The following WDPCP variants were observed in gnomAD, a reference collection of about 807,000 sequenced individuals.
WDPCP encodes the protein WD repeat containing planar cell polarity effector, also known as WD repeat-containing and planar cell polarity effector protein fritz homolog.
A neutral mutation model predicts 93.1 loss-of-function variants in WDPCP; 71 were observed. The ratio of observed to expected loss-of-function variants is 0.76; its 90% CI spans 0.63 to 0.93. WDPCP has a LOEUF of 0.93. Among genes scored for constraint, WDPCP ranks in the 40% least tolerant of loss-of-function variants. WDPCP has a pLI of 0.00. For synonymous variants in WDPCP, 315 were observed against 315.0 expected, an observed-to-expected ratio of 1.00 and a Z score of 0.00; for missense variants, 844 against 887.4, an observed-to-expected ratio of 0.95 and a Z score of 0.62.
At chr2:63,180,970 G>A (rs1460261700) in intron 14 of WDPCP, among the ~76,000 whole-genome samples, 1 of 152,056 alleles carries the variant, frequency 6.6e-6, no homozygotes, top group Non-Finnish European at 1.5e-5. Flanking sequence ...ACATTTGTAT[G>A]TTTTCTTTTG....
At chr2:63,310,086 T>C (rs907421149) in intron 13 of WDPCP, among the ~76,000 whole-genome samples, 2 of 152,158 alleles carry the variant, frequency 1.3e-5, no homozygotes, top group Admixed American at 1.3e-4. Flanking sequence ...ATTTGAAAAG[T>C]GAGTAATATA....
chr2:63,269,394 G>A (rs1242868721), intron 13 of WDPCP, among the ~76,000 whole-genome samples: 2 of 152,074 alleles, frequency 1.3e-5, no homozygotes, highest in Admixed American at 1.3e-4. Context: ...ACAGTCTCTG[G>A]ACTTGATCCA....
At position 63,439,832 on chromosome 2, in the gene WDPCP, A is replaced by G. The variant is rs529607482; in HGVS notation, c.424T>C (p.Ser142Pro). 8.7e-6 allele frequency: 14 copies of G among 1,613,230 alleles called. No homozygotes were observed. The East Asian group carries it at 2.9e-4, about 33-fold the overall frequency. Residue 142 changes from serine (S) to proline (P), a missense_variant, in exon 7 of 18, where the codon TCT becomes CCT. Coordinates refer to ENST00000272321, the MANE Select transcript of WDPCP (RefSeq NM_015910.7). ...GSGVLVSLSL[S>P]GPQLEKVVID... ...ACCACTTTCTCCAGCTGCGGCCCAG[A>G]AAGGCTTAGAGACACCAGCACACCT...
intron 12 of WDPCP, among the ~76,000 whole-genome samples, chr2:63,316,335 T>A (rs1686637418): frequency 6.6e-6 from 1 of 151,878 alleles, no homozygotes; most frequent in Non-Finnish European, 1.5e-5. Context: ...ATTTAAAATA[T>A]CCACATTTGT....
At chr2:63,630,747 TCAA>T (rs1709856417) in intron 3 of WDPCP, among the ~76,000 whole-genome samples, 2 of 152,146 alleles carry the variant, frequency 1.3e-5, no homozygotes, top group African/African-American at 2.4e-5. Context: ...ACAGAAGAAC[TCAA>T]CAACATCAAC....
chr2:63,495,573 A>C (rs181625581), intron 1 of WDPCP, among the ~76,000 whole-genome samples: 14 of 152,380 alleles, frequency 9.2e-5, no homozygotes, highest in African/African-American at 3.4e-4. Context: ...TAATGTGTGC[A>C]TTCTAGAATC....
chr2:63,415,132 C>T (rs72883634), intron 9 of WDPCP, among the ~76,000 whole-genome samples: 29 of 152,216 alleles, frequency 1.9e-4, no homozygotes, highest in African/African-American at 4.6e-4. Context: ...AATGCCAAGG[C>T]GGGAGGATTA....
intron 9 of WDPCP, among the ~76,000 whole-genome samples, chr2:63,426,608 T>C (rs1278994007): frequency 6.6e-6 from 1 of 152,122 alleles, no homozygotes; most frequent in East Asian, 1.9e-4. Context: ...AGTAAGCACA[T>C]AGCCCACAAA....
At chr2:63,292,144 A>G (rs1426056861) in intron 13 of WDPCP, among the ~76,000 whole-genome samples, 1 of 151,490 alleles carries the variant, frequency 6.6e-6, no homozygotes, top group Non-Finnish European at 1.5e-5. Flanking sequence ...AAAAAAAAAA[A>G]AAAAAAAGAA....
Position 63,159,786 on chromosome 2 carries a change from T to C in WDPCP, c.2079-6212A>G, listed in dbSNP as rs1672525107. Among the ~76,000 whole-genome samples, 3 of 152,312 alleles carry C rather than the reference T, an allele frequency of 2.0e-5. No homozygotes were observed. In the South Asian group the frequency reaches 6.2e-4, roughly 32 times the overall value. On this transcript the variant is annotated intron_variant, in intron 15 of 17. Transcript: ENST00000272321. The stretch of plus-strand genomic sequence containing the variant: ...AGCAAATATATAACCTGGGTGATAG[T>C]TTATCTATCAGTTTAGATCTCAAAG...
At chr2:63,599,256 C>G (rs370041076) in intron 3 of WDPCP, 1 of 1,613,702 alleles carries the variant, frequency 6.2e-7, no homozygotes. Flanking sequence ...ACTTCAGTTG[C>G]TTGACTCGTT....
At chr2:63,123,785 C>G (rs545038904) in intron 17 of WDPCP, among the ~76,000 whole-genome samples, 1 of 151,716 alleles carries the variant, frequency 6.6e-6, no homozygotes, top group Admixed American at 6.6e-5. Flanking sequence ...ACTAGTTATA[C>G]AAAACTAAAG....
At chr2:63,697,263 G>C (rs1390918772) in intron 2 of WDPCP, among the ~76,000 whole-genome samples, 2 of 152,068 alleles carry the variant, frequency 1.3e-5, no homozygotes, top group African/African-American at 4.8e-5. Flanking sequence ...TGTGAAGTAG[G>C]AGCCATTATT....
chr2:63,721,218 A>C (rs1285194822), intron 2 of WDPCP, among the ~76,000 whole-genome samples: 1 of 152,236 alleles, frequency 6.6e-6, no homozygotes, highest in Non-Finnish European at 1.5e-5. Flanking sequence ...TTGTTTGCAA[A>C]TCTACAAAAT....
chr2:63,543,720 G>T (rs1453942262), intron 1 of WDPCP, among the ~76,000 whole-genome samples: 1 of 151,898 alleles, frequency 6.6e-6, no homozygotes, highest in African/African-American at 2.4e-5. Context: ...TAGGCCAAAA[G>T]GAAAGCTACT....
intron 13 of WDPCP, among the ~76,000 whole-genome samples, chr2:63,302,420 CTTTTCTATGGTGT>C (rs1201239753): frequency 1.3e-5 from 2 of 152,186 alleles, no homozygotes; most frequent in Admixed American, 6.5e-5. Flanking sequence ...AACTACCAGA[CTTTTCTATGGTGT>C]TTTTCCTTCT....
chr2:63,328,103 C>A (rs1019522249), intron 12 of WDPCP, among the ~76,000 whole-genome samples: 1 of 152,144 alleles, frequency 6.6e-6, no homozygotes, highest in African/African-American at 2.4e-5. Flanking sequence ...ACTTGGAGAA[C>A]TTTTCTGTCT....
intron 6 of WDPCP, among the ~76,000 whole-genome samples, chr2:63,478,453 T>A (rs1245923648): frequency 6.6e-6 from 1 of 152,074 alleles, no homozygotes; most frequent in East Asian, 1.9e-4. Context: ...AAAACAAGTC[T>A]CAGTAAATTT....
At chr2:63,566,943 C>G (rs562862612) in intron 1 of WDPCP, among the ~76,000 whole-genome samples, 99 of 152,280 alleles carry the variant, frequency 6.5e-4, no homozygotes, top group Non-Finnish European at 1.2e-3. Context: ...AAGAATACAA[C>G]TTAGCAACAG....
Sources: allele counts gnomAD v4.1 joint callset (sites outside exome capture counted in the v4.1 genomes callset), GRCh38; gene constraint gnomAD v4.1.1; transcripts MANE v1.5; gene names NCBI Gene and HGNC (gene_info 2026-07-23, HGNC 2026-07-21).